Variants in CDC42SE2 observed in about 807,000 individuals in gnomAD.
CDC42SE2 encodes the protein CDC42 small effector protein 2.
CDC42SE2 carries 3 observed loss-of-function variants against 11.5 expected under a neutral mutation model. The observed-to-expected ratio is 0.26, with a 90% CI of 0.12 to 0.67. CDC42SE2 has a LOEUF of 0.67. CDC42SE2 is among the 30% of genes least tolerant of loss of function. CDC42SE2 has a pLI of 0.80. For synonymous variants in CDC42SE2, 33 were observed against 34.8 expected, an observed-to-expected ratio of 0.95 and a Z score of 0.18; for missense variants, 82 against 106.8, an observed-to-expected ratio of 0.77 and a Z score of 1.02.
chr5:131,382,142 T>TATTA (rs2149786956), intron 3 of CDC42SE2, among the ~76,000 whole-genome samples: 1 of 152,378 alleles, frequency 6.6e-6, no homozygotes, highest in African/African-American at 2.4e-5. Context: ...CATTCATATA[T>TATTA]ATTAGTTATC....
intron 3 of CDC42SE2, among the ~76,000 whole-genome samples, chr5:131,363,439 C>T (rs1380389603): frequency 6.6e-6 from 1 of 152,024 alleles, no homozygotes; most frequent in South Asian, 2.1e-4. Flanking sequence ...TGCAATGGTG[C>T]GATCTTGGCT....
chr5:131,342,231 G>T (rs1207692807), intron 2 of CDC42SE2, among the ~76,000 whole-genome samples: 1 of 145,916 alleles, frequency 6.9e-6, no homozygotes, highest in Non-Finnish European at 1.5e-5. Context: ...AGTGAGTTGA[G>T]ATTGTGCCAC....
At chr5:131,324,750 C>T (rs1758262320) in intron 2 of CDC42SE2, among the ~76,000 whole-genome samples, 1 of 151,992 alleles carries the variant, frequency 6.6e-6, no homozygotes, top group South Asian at 2.1e-4. Flanking sequence ...ATTATCTTCT[C>T]CTTTAGTATA....
chr5:131,390,433 G>A (rs1408317874), intron 4 of CDC42SE2, among the ~76,000 whole-genome samples: 1 of 152,012 alleles, frequency 6.6e-6, no homozygotes, highest in Non-Finnish European at 1.5e-5. Flanking sequence ...GCCTGTAATC[G>A]CAGCACTTTG....
At position 131,343,488 on chromosome 5, in the gene CDC42SE2, G is replaced by A. The variant is rs1048694794; in HGVS notation, c.-285-15721G>A. 1.8e-4 allele frequency among the ~76,000 whole-genome samples: 28 copies of A among 152,196 alleles called. 1 individual carries two copies. Among genetic ancestry groups the A allele is most frequent in the Admixed American group, 9.2e-4 (14 of 15,276 alleles). Reference sequence around the variant, plus strand: ...AGCACCGTGGGAGGCCAGGGCAGGCGGATCTCCTGAGGTCAGGAGTTCAAG... The same window carrying A: ...AGCACCGTGGGAGGCCAGGGCAGGCAGATCTCCTGAGGTCAGGAGTTCAAG... On this transcript the variant is annotated intron_variant, in intron 2 of 4. Transcript: ENST00000505065.
intron 2 of CDC42SE2, among the ~76,000 whole-genome samples, chr5:131,331,700 A>G (rs756726616): frequency 6.6e-5 from 10 of 152,144 alleles, no homozygotes; most frequent in African/African-American, 9.7e-5. Flanking sequence ...AGAATACTGA[A>G]TCTCTTATTT....
chr5:131,351,234 A>G (rs1759002267), intron 2 of CDC42SE2, among the ~76,000 whole-genome samples: 2 of 150,570 alleles, frequency 1.3e-5, no homozygotes, highest in African/African-American at 4.9e-5. Context: ...ATAGGCGTGA[A>G]CCACCAAGCT....
the CDC42SE2 span, among the ~76,000 whole-genome samples, chr5:131,229,691 T>C: frequency 5.9e-5 from 9 of 152,200 alleles, no homozygotes; most frequent in Non-Finnish European, 1.2e-4. Flanking sequence ...CCCAGCACTT[T>C]GGGAGGCCAA....
At chr5:131,350,985 G>A (rs1056446172) in intron 2 of CDC42SE2, among the ~76,000 whole-genome samples, 2 of 151,938 alleles carry the variant, frequency 1.3e-5, no homozygotes, top group South Asian at 2.1e-4. Flanking sequence ...TCACTCTGTC[G>A]CTCAGGCTGG....
intron 1 of CDC42SE2, among the ~76,000 whole-genome samples, chr5:131,278,509 T>TTGA (rs10624598): frequency 6.7e-6 from 1 of 150,334 alleles, no homozygotes; most frequent in Non-Finnish European, 1.5e-5. Flanking sequence ...CAGCTCCATG[T>TTGA]GTGACATCAT....
chr5:131,337,348 C>T (rs1758594329), intron 2 of CDC42SE2, among the ~76,000 whole-genome samples: 1 of 152,156 alleles, frequency 6.6e-6, no homozygotes, highest in South Asian at 2.1e-4. Context: ...CAGAGGAGTA[C>T]CCGGCCACAT....
the CDC42SE2 span, among the ~76,000 whole-genome samples, chr5:131,236,673 C>T: frequency 1.3e-5 from 2 of 152,204 alleles, no homozygotes; most frequent in African/African-American, 4.8e-5. Context: ...GTGATCTGCC[C>T]ACCTCGGCCT....
At chr5:131,299,787 G>C (rs1757644532) in intron 1 of CDC42SE2, among the ~76,000 whole-genome samples, 1 of 152,192 alleles carries the variant, frequency 6.6e-6, no homozygotes, top group South Asian at 2.1e-4. Context: ...AGCATTTGTA[G>C]AGTGAAAGAT....
chr5:131,289,460 C>A (rs888411391), intron 1 of CDC42SE2, among the ~76,000 whole-genome samples: 5 of 152,160 alleles, frequency 3.3e-5, no homozygotes, highest in African/African-American at 1.2e-4. Context: ...ATCACGAGGT[C>A]AGGAGATCGA....
At chr5:131,263,857 C>G (rs1411389147), upstream of CDC42SE2, 1 of 152,270 alleles carries the variant, frequency 6.6e-6, no homozygotes, top group Non-Finnish European at 1.5e-5. Flanking sequence ...CGGCTCGAAT[C>G]CCGGGGGTCC....
chr5:131,253,267 A>C (rs1192370735), intron 1 of CDC42SE2: 1 of 152,218 alleles, frequency 6.6e-6, no homozygotes, highest in Non-Finnish European at 1.5e-5. Context: ...AGGTAGTATG[A>C]GGTGAAAAGA....
chr5:131,263,335 C>T (rs1756771853), upstream of CDC42SE2, among the ~76,000 whole-genome samples: 1 of 152,100 alleles, frequency 6.6e-6, no homozygotes, highest in Admixed American at 6.5e-5. Flanking sequence ...AGTGGCATTA[C>T]GCTATCCTTT....
upstream of CDC42SE2, among the ~76,000 whole-genome samples, chr5:131,244,924 G>A (rs115891675): frequency 1.5e-4 from 23 of 152,122 alleles, no homozygotes; most frequent in African/African-American, 5.5e-4. Context: ...TTACTGGGGG[G>A]AATCATGATA....
rs117507476 is a variant in CDC42SE2 at position 131,356,895 on chromosome 5, G to A, written c.-285-2314G>A. On this transcript the variant is annotated intron_variant, in intron 2 of 4. Coordinates refer to ENST00000505065, the MANE Select transcript of CDC42SE2 (RefSeq NM_001375635.1). ...TGCATTCCAGCCTGGGCAACACAGT[G>A]AGACCCTATCTGAAAAAAAATTTTT... is the stretch of plus-strand genomic sequence containing the variant. Among the ~76,000 whole-genome samples the A allele has an allele frequency of 4.7e-4, 71 of 152,328 alleles. 2 individuals carry two copies. In the East Asian group the frequency reaches 0.013, roughly 29 times the overall value.
Sources: gnomAD v4.1 joint callset for allele counts (sites outside exome capture counted in the v4.1 genomes callset) on GRCh38, gnomAD v4.1.1 for gene constraint, MANE v1.5 for transcripts, NCBI Gene and HGNC (gene_info 2026-07-23, HGNC 2026-07-21) for gene names.